Variants in CEP192 observed in about 807,000 individuals in gnomAD.
CEP192 encodes the protein centrosomal protein of 192 kDa.
In CEP192, 151 loss-of-function variants were observed where a neutral mutation model predicts 271.8. That is an observed-to-expected ratio of 0.56 (90% CI 0.49 to 0.64). The LOEUF (loss-of-function observed/expected upper bound fraction) is 0.64, where lower values mean the gene tolerates loss of function less well. CEP192 is among the 30% of genes least tolerant of loss of function. The probability of loss-of-function intolerance (pLI) is 0.00; values close to 1 mark genes in which losing one functional copy is unlikely to be tolerated. For synonymous variants in CEP192, 995 were observed against 1,076.5 expected, an observed-to-expected ratio of 0.92 and a Z score of 1.48; for missense variants, 2,910 against 3,020.5, an observed-to-expected ratio of 0.96 and a Z score of 0.86.
intron 15 of CEP192, among the ~76,000 whole-genome samples, chr18:13,044,935 C>T (rs958059800): frequency 6.6e-5 from 10 of 152,068 alleles, no homozygotes; most frequent in Non-Finnish European, 1.0e-4. Flanking sequence ...GATTCAATTT[C>T]TTTAATAGTT....
rs1278828892 is a variant in CEP192, at chr18:13,048,941, C to T, written c.2150C>T (p.Thr717Ile). The change falls in exon 16 of 45, where the codon ACC becomes ATC. Residue 717 changes from threonine to isoleucine, a missense_variant. Thr to Ile is a moderately conservative substitution (Grantham distance 89). Coordinates refer to ENST00000506447, the MANE Select transcript of CEP192 (RefSeq NM_032142.4). ...DSGDSMLRIS[T>I]IASAIAEASV... Reference sequence around the variant, plus strand: ...GGTGATTCTATGCTTAGGATCAGCACCATTGCTTCAGCCATTGCAGAGGCA... The same window carrying T: ...GGTGATTCTATGCTTAGGATCAGCATCATTGCTTCAGCCATTGCAGAGGCA... The T allele has an allele frequency of 7.4e-6, 12 of 1,613,964 alleles. No homozygotes were observed. The highest frequency in any genetic ancestry group is 1.0e-5 in the Non-Finnish European group (12 of 1,179,966).
At chr18:13,039,979 A>G (rs1297325039) in intron 13 of CEP192, among the ~76,000 whole-genome samples, 2 of 152,226 alleles carry the variant, frequency 1.3e-5, no homozygotes, top group African/African-American at 2.4e-5. Flanking sequence ...AGAGGGTATT[A>G]GGGTTATTGG....
intron 12 of CEP192, 144 bp from the exon 13 acceptor site, chr18:13,038,226 C>A: frequency 1.6e-6 from 1 of 641,634 alleles, no homozygotes. Flanking sequence ...GATGATGCTT[C>A]AGTTTGTCCA....
In CEP192 at chr18:13,068,199, G is replaced by C; in HGVS notation, c.4720G>C (p.Val1574Leu). ...GGTCACTCGGCTAGCAGGCCCTTCT[G>C]TGGTCAACCACATGATGCCTGCTAG... is the stretch of plus-strand genomic sequence containing the variant. Reference protein sequence around the residue: ...DVVTRLAGPSVVNHMMPASYD... With the variant: ...DVVTRLAGPSLVNHMMPASYD... Residue 1574 changes from valine to leucine, a missense_variant, in exon 23 of 45, where the codon GTG becomes CTG. Physicochemically the swap from Val to Leu is conservative, Grantham distance 32. Coordinates refer to ENST00000506447, the MANE Select transcript of CEP192 (RefSeq NM_032142.4). 1 of 1,614,272 alleles carries C rather than the reference G, an allele frequency of 6.2e-7. No individual in the cohort carries two copies. Among genetic ancestry groups the C allele is most frequent in the Non-Finnish European group, 8.5e-7 (1 of 1,180,052 alleles).
chr18:13,022,516 G>T (rs1250953337), intron 9 of CEP192, among the ~76,000 whole-genome samples: 1 of 152,138 alleles, frequency 6.6e-6, no homozygotes, highest in Non-Finnish European at 1.5e-5. Flanking sequence ...AGGTAGCTGG[G>T]ATTACAAGTG....
At position 13,114,246 on chromosome 18, in the gene CEP192, A is replaced by C. The variant is rs1435303585; in HGVS notation, c.7284A>C (p.Ile2428=). The C allele has an allele frequency of 6.2e-7, 1 of 1,612,170 alleles. No individual in the cohort carries two copies. The highest frequency in any genetic ancestry group is 1.1e-5 in the South Asian group (1 of 90,542). Reference sequence around the variant, plus strand: ...CTGTGTCAGAGGCTTCTGCTCGCATACCTGAGTATGTTGTTTTTGTCATTC... The same window carrying C: ...CTGTGTCAGAGGCTTCTGCTCGCATCCCTGAGTATGTTGTTTTTGTCATTC... ...RQAVSEASAR[I]PEQLDVTARG... Residue 2428 remains isoleucine, a synonymous_variant, in exon 42 of 45, where the codon ATA becomes ATC. Transcript: ENST00000506447.
In CEP192 at chr18:13,038,423, G is replaced by C; in HGVS notation, c.1653G>C (p.Trp551Cys). ...NTSVALGDTSWGATINYSLLR... is the reference protein window; with the variant it reads ...NTSVALGDTSCGATINYSLLR... The stretch of plus-strand genomic sequence containing the variant: ...CGGTTGCACTGGGCGATACGTCCTG[G>C]GGAGCTACAATTAATTACAGTCTGT... The change falls in exon 13 of 45, where the codon TGG becomes TGC. Residue 551 changes from tryptophan to cysteine, a missense_variant. By Grantham distance (215) the Trp-to-Cys change is radical. Coordinates refer to ENST00000506447, the MANE Select transcript of CEP192 (RefSeq NM_032142.4). 6.4e-7 allele frequency: 1 copy of C among 1,551,590 alleles called. No homozygotes were observed. The highest frequency in any genetic ancestry group is 2.0e-5 in the Admixed American group (1 of 50,986).
rs988379843 is a variant in CEP192 at position 13,117,616 on chromosome 18, A to G, written c.7448A>G (p.Tyr2483Cys). 11 of 1,612,946 alleles carry G rather than the reference A, an allele frequency of 6.8e-6. No homozygotes were observed. The highest frequency in any genetic ancestry group is 1.7e-4 in the Middle Eastern group (1 of 6,060). ...TTTTTGAGTCCCAGAGAGCCATTCT[A>G]TGTCAAACATTCCAAGTACTCTTTG... Reference protein sequence around the residue: ...LKFLSPREPFYVKHSKYSLRA... With the variant: ...LKFLSPREPFCVKHSKYSLRA... Residue 2483 changes from tyrosine (Y) to cysteine (C), a missense_variant, in exon 44 of 45, where the codon TAT becomes TGT. Coordinates refer to ENST00000506447, the MANE Select transcript of CEP192 (RefSeq NM_032142.4).
At chr18:13,076,859 C>G (rs1410367560) in intron 30 of CEP192, among the ~76,000 whole-genome samples, 1 of 152,104 alleles carries the variant, frequency 6.6e-6, no homozygotes, top group Non-Finnish European at 1.5e-5. Context: ...TCTCGGCTCA[C>G]TGCAACTTCC....
intron 21 of CEP192, among the ~76,000 whole-genome samples, chr18:13,060,612 A>T (rs1382218829): frequency 6.6e-6 from 1 of 152,230 alleles, no homozygotes; most frequent in Non-Finnish European, 1.5e-5. Context: ...ATTATGTAGC[A>T]TGTGACTTTA....
Position 13,096,414 on chromosome 18 carries a change from C to G in CEP192, c.6557+107C>G. On this transcript the variant is annotated intron_variant, in intron 36 of 44. Coordinates refer to ENST00000506447, the MANE Select transcript of CEP192 (RefSeq NM_032142.4). ...GTAGTTTATCCAGTTGAATTTTGCA[C>G]CGTGCTGACTCTGCACAAAGCATGT... The G allele has an allele frequency of 2.8e-6, 4 of 1,431,752 alleles. No homozygotes were observed. In the South Asian group the frequency reaches 5.4e-5, roughly 19 times the overall value. 88.7% of individuals were successfully genotyped at this position (1,431,752 alleles called of 1,614,324 possible).
chr18:13,066,288 T>C (rs1012034049), intron 21 of CEP192, among the ~76,000 whole-genome samples: 1 of 152,232 alleles, frequency 6.6e-6, no homozygotes, highest in African/African-American at 2.4e-5. Context: ...AATCTCTTGC[T>C]TTTCCCTTTG....
At chr18:12,997,287 C>T (rs2033311715) in intron 1 of CEP192, among the ~76,000 whole-genome samples, 1 of 152,066 alleles carries the variant, frequency 6.6e-6, no homozygotes, top group Admixed American at 6.5e-5. Context: ...GTCGGATTAA[C>T]ATCCAAAAAG....
intron 4 of CEP192, among the ~76,000 whole-genome samples, chr18:13,009,933 TGA>T (rs1315757459): frequency 6.6e-6 from 1 of 152,014 alleles, no homozygotes; most frequent in Non-Finnish European, 1.5e-5. Context: ...CTGAGGTGGG[TGA>T]ATGGCTTGAG....
intron 3 of CEP192, 74 bp from the exon 4 acceptor site, chr18:13,008,382 T>C: frequency 9.5e-7 from 1 of 1,054,974 alleles, no homozygotes. Flanking sequence ...AATACATAAC[T>C]GATTAATAAA....
chr18:13,036,927 G>A (rs574860714), intron 11 of CEP192, among the ~76,000 whole-genome samples: 13 of 152,344 alleles, frequency 8.5e-5, no homozygotes, highest in African/African-American at 3.1e-4. Context: ...ATGGATGAGT[G>A]CCTCAATGCA....
chr18:13,114,861 G>T (rs1185584911), intron 42 of CEP192, among the ~76,000 whole-genome samples: 1 of 152,082 alleles, frequency 6.6e-6, no homozygotes. Context: ...GTTCCCATAA[G>T]CAGCATATGA....
At chr18:13,001,036 A>C (rs2033612346) in intron 2 of CEP192, among the ~76,000 whole-genome samples, 2 of 152,218 alleles carry the variant, frequency 1.3e-5, no homozygotes, top group Non-Finnish European at 2.9e-5. Flanking sequence ...TGTTTGGTTA[A>C]ATACACCTTG....
chr18:13,068,773 C>A, intron 24 of CEP192, 79 bp from the exon 25 acceptor site: 1 of 1,477,616 alleles, frequency 6.8e-7, no homozygotes, highest in Non-Finnish European at 9.4e-7. Flanking sequence ...CCCCTAAGGG[C>A]ACTGTGTGGG....
Sources: gnomAD v4.1 joint callset for allele counts (sites outside exome capture counted in the v4.1 genomes callset) on GRCh38, gnomAD v4.1.1 for gene constraint, MANE v1.5 for transcripts, NCBI Gene and HGNC (gene_info 2026-07-23, HGNC 2026-07-21) for gene names.